Variants in GDAP1 observed in about 807,000 individuals in gnomAD.
GDAP1 encodes ganglioside induced differentiation associated protein 1, also known as ganglioside-induced differentiation-associated protein 1.
A neutral mutation model predicts 40.1 loss-of-function variants in GDAP1; 34 were observed. The observed-to-expected ratio is 0.85, with a 90% CI of 0.64 to 1.13. The LOEUF is 1.13. Among genes scored for constraint, GDAP1 ranks in the 50% most tolerant of loss-of-function variants. GDAP1 has a pLI of 0.00. For missense variants in GDAP1, 374 were observed against 433.7 expected, an observed-to-expected ratio of 0.86 and a Z score of 1.22; for synonymous variants, 170 against 157.4, an observed-to-expected ratio of 1.08 and a Z score of -0.60.
chr8:74,409,037 T>G (rs139050423), intron 2 of GDAP1, among the ~76,000 whole-genome samples: 194 of 150,028 alleles, frequency 1.3e-3, no homozygotes, highest in Non-Finnish European at 2.0e-3. Context: ...TTGGGGTACG[T>G]GTAAAAATAA....
chr8:74,424,904 C>A (rs1190262591), intron 2 of GDAP1, among the ~76,000 whole-genome samples: 1 of 152,152 alleles, frequency 6.6e-6, no homozygotes, highest in Non-Finnish European at 1.5e-5. Flanking sequence ...TTATAGATTT[C>A]TGAATTAGCA....
In GDAP1 at chr8:74,416,921, T is replaced by C. The variant is rs1259973558; in HGVS notation, c.165+65600T>C. Among the ~76,000 whole-genome samples the C allele has an allele frequency of 1.9e-5, 2 of 105,852 alleles. 1 individual carries two copies. Among genetic ancestry groups the C allele is most frequent in the African/African-American group, 8.6e-5 (2 of 23,376 alleles). 69.4% of individuals were successfully genotyped at this position (105,852 alleles called of 152,430 possible). On this transcript the variant is annotated intron_variant, in intron 2 of 2. Coordinates refer to the GDAP1 transcript ENST00000523640. ...TGAAAAGTTTTTTTTTTTGTTTTTT[T>C]GTTTTTTGTTTTTTTTTTTTTTAAC... is the stretch of plus-strand genomic sequence containing the variant.
chr8:74,475,232 A>G (rs1201051594), intron 2 of GDAP1, among the ~76,000 whole-genome samples: 4 of 145,156 alleles, frequency 2.8e-5, no homozygotes, highest in Non-Finnish European at 6.1e-5. Flanking sequence ...TCAAAAACCA[A>G]CTCCTGGCTT....
At chr8:74,429,730 T>C (rs1404945114) in intron 2 of GDAP1, among the ~76,000 whole-genome samples, 1 of 152,204 alleles carries the variant, frequency 6.6e-6, no homozygotes, top group Non-Finnish European at 1.5e-5. Flanking sequence ...ACAGTCATAC[T>C]TTGAAGTACT....
chr8:74,476,544 T>A (rs1021114885), intron 2 of GDAP1, among the ~76,000 whole-genome samples: 3 of 152,218 alleles, frequency 2.0e-5, no homozygotes, highest in African/African-American at 7.2e-5. Context: ...CTTATGAAGC[T>A]TAGTCTGGCA....
chr8:74,422,532 C>T (rs1473901269), intron 2 of GDAP1, among the ~76,000 whole-genome samples: 1 of 113,308 alleles, frequency 8.8e-6, no homozygotes, highest in African/African-American at 3.1e-5. Flanking sequence ...TCCTTCCTTC[C>T]TTCTTTCTTT....
chr8:74,468,551 A>C (rs1174816567), intron 2 of GDAP1, among the ~76,000 whole-genome samples: 2 of 151,856 alleles, frequency 1.3e-5, no homozygotes, highest in African/African-American at 4.8e-5. Flanking sequence ...ACACACACAC[A>C]TATATAGGTT....
intron 2 of GDAP1, among the ~76,000 whole-genome samples, chr8:74,380,921 T>C (rs972891730): frequency 6.6e-6 from 1 of 152,178 alleles, no homozygotes; most frequent in African/African-American, 2.4e-5. Context: ...CTATTGATAG[T>C]CTTAAATAAA....
chr8:74,485,372 C>A (rs1806763764), intron 2 of GDAP1, among the ~76,000 whole-genome samples: 1 of 152,114 alleles, frequency 6.6e-6, no homozygotes. Flanking sequence ...TTAGTCCTGG[C>A]TTTCCAGGGA....
At chr8:74,363,424 G>A (rs1183902154) in intron 5 of GDAP1, among the ~76,000 whole-genome samples, 1 of 152,214 alleles carries the variant, frequency 6.6e-6, no homozygotes, top group Non-Finnish European at 1.5e-5. Flanking sequence ...ATAAGGACCA[G>A]CACGTGGGCA....
At chr8:74,423,303 C>A (rs1805903550) in intron 2 of GDAP1, among the ~76,000 whole-genome samples, 1 of 144,972 alleles carries the variant, frequency 6.9e-6, no homozygotes, top group African/African-American at 2.5e-5. Flanking sequence ...GATATGTATA[C>A]TATATATAAT....
rs547447651 is a variant in GDAP1 at position 74,402,000 on chromosome 8, G to T, written c.165+50679G>T. ...CCCAGTTAGGCTGCTCAGGGGTCAG[G>T]GGTCAGGGACCCACTTGAGGAGGCA... On this transcript the variant is annotated intron_variant, in intron 2 of 2. Coordinates refer to the GDAP1 transcript ENST00000523640. Among the ~76,000 whole-genome samples, 46 of 150,352 alleles carry T rather than the reference G, an allele frequency of 3.1e-4. 9 individuals are homozygous for T. The highest frequency in any genetic ancestry group is 1.2e-3 in the African/African-American group (46 of 39,686).
chr8:74,438,981 CT>C (rs1806126697), intron 2 of GDAP1, among the ~76,000 whole-genome samples: 1 of 151,512 alleles, frequency 6.6e-6, no homozygotes, highest in South Asian at 2.1e-4. Context: ...AAACATGTGG[CT>C]TGTTTTTGCC....
At chr8:74,470,493 A>G (rs1382719096) in intron 2 of GDAP1, among the ~76,000 whole-genome samples, 1 of 152,030 alleles carries the variant, frequency 6.6e-6, no homozygotes, top group Admixed American at 6.5e-5. Flanking sequence ...TATCAGTGAG[A>G]ACATGTGGTG....
At position 74,473,620 on chromosome 8, in the gene GDAP1, T is replaced by C. The variant is rs549653007; in HGVS notation, c.166-15058T>C. Among the ~76,000 whole-genome samples, 19 of 152,346 alleles carry C rather than the reference T, an allele frequency of 1.2e-4. No individual in the cohort carries two copies. In the East Asian group the frequency reaches 3.7e-3, roughly 29 times the overall value. On this transcript the variant is annotated intron_variant, in intron 2 of 2. Transcript: ENST00000523640. Reference sequence around the variant, plus strand: ...TCAGATGGTTATAGGTGTATAAGGCTGTAGCCTTATTTCTGGGCTCTCTAT... The same window carrying C: ...TCAGATGGTTATAGGTGTATAAGGCCGTAGCCTTATTTCTGGGCTCTCTAT...
intron 2 of GDAP1, among the ~76,000 whole-genome samples, chr8:74,458,797 G>C (rs902844455): frequency 1.3e-5 from 2 of 152,132 alleles, no homozygotes; most frequent in African/African-American, 4.8e-5. Context: ...TATTGGATTA[G>C]AGCGGCCCCC....
chr8:74,448,012 G>A (rs1806253928), intron 2 of GDAP1, among the ~76,000 whole-genome samples: 1 of 152,146 alleles, frequency 6.6e-6, no homozygotes, highest in Non-Finnish European at 1.5e-5. Context: ...TCAACCTGCA[G>A]CAAATTAAAG....
At chr8:74,352,901 A>G (rs1433547236) in intron 2 of GDAP1, among the ~76,000 whole-genome samples, 1 of 152,226 alleles carries the variant, frequency 6.6e-6, no homozygotes, top group Non-Finnish European at 1.5e-5. Context: ...TTAAAAAGGT[A>G]TTCTAAATGG....
chr8:74,468,478 T>TAC (rs71271804), intron 2 of GDAP1, among the ~76,000 whole-genome samples: 8,249 of 139,070 alleles, frequency 0.059, 235 homozygotes, highest in South Asian at 0.11. Context: ...AATGACCCCA[T>TAC]ACACACACAC....
Sources: gnomAD v4.1 joint callset for allele counts (sites outside exome capture counted in the v4.1 genomes callset) on GRCh38, gnomAD v4.1.1 for gene constraint, MANE v1.5 for transcripts, NCBI Gene and HGNC (gene_info 2026-07-23, HGNC 2026-07-21) for gene names.